SIAE: variants seen among roughly 807,000 people sequenced by gnomAD.
SIAE encodes sialic acid acetylesterase.
Under a neutral mutation model 52.6 loss-of-function variants are expected in SIAE, and 39 were observed. The ratio of observed to expected loss-of-function variants is 0.74; its 90% confidence interval spans 0.57 to 0.97. The LOEUF (loss-of-function observed/expected upper bound fraction) is 0.97. SIAE is among the 50% of genes least tolerant of loss of function. SIAE has a pLI of 0.00. For missense variants in SIAE, 592 were observed against 662.1 expected (o/e 0.89, Z 1.16); for synonymous variants, 233 against 241.4 (o/e 0.97, Z 0.32).
upstream of SIAE, chr11:124,676,191 T>C (rs1404429676): frequency 6.6e-6 from 1 of 152,316 alleles, no homozygotes; most frequent in Admixed American, 6.5e-5. Context: ...GCACCTTTAG[T>C]ACCAGCTACT....
intron 2 of SIAE, among the ~76,000 whole-genome samples, chr11:124,665,953 T>C (rs1250434186): frequency 6.6e-6 from 1 of 152,156 alleles, no homozygotes; most frequent in African/African-American, 2.4e-5. Flanking sequence ...GACAAAAATA[T>C]AGACAGACAC....
intron 4 of SIAE, chr11:124,654,389 C>T (rs919214406): frequency 1.2e-5 from 12 of 985,138 alleles, no homozygotes; most frequent in African/African-American, 8.7e-5. Context: ...GAGATGCTGG[C>T]GGAGCCCATG....
At chr11:124,660,334 G>T in intron 3 of SIAE, 1 of 353,186 alleles carries the variant, frequency 2.8e-6, no homozygotes, top group Non-Finnish European at 5.3e-6. Flanking sequence ...AAATCAACTT[G>T]AGAAGAAACT....
chr11:124,673,880 T>G, upstream of SIAE: 1 of 695,566 alleles, frequency 1.4e-6, no homozygotes, highest in Non-Finnish European at 2.3e-6. Context: ...TTTTTTTTTT[T>G]TAAAGAAAAA....
Position 124,635,691 on chromosome 11 carries a change from C to CATT in SIAE, c.*1257_*1259dup, listed in dbSNP as rs1942716300. 6.6e-6 allele frequency: 1 copy of CATT among 152,150 alleles called. No individual in the cohort carries two copies. Among genetic ancestry groups the CATT allele is most frequent in the African/African-American group, 2.4e-5 (1 of 41,434 alleles). The allele number at this position is 152,150 out of a possible 1,614,324, so 9.4% of individuals were successfully genotyped here. A position where few individuals can be genotyped will look rare whatever the true frequency, so the allele number is the denominator to read the frequency against. On this transcript the variant is annotated 3_prime_UTR_variant, in exon 10 of 10. Coordinates refer to ENST00000263593, the MANE Select transcript of SIAE (RefSeq NM_170601.5). The stretch of plus-strand genomic sequence containing the variant: ...GAGTGATGCTTTTTGCTTTAGTTCT[C>CATT]ATTTTTCACATTAAGGGGAGGAAAG...
upstream of SIAE, chr11:124,673,788 G>A (rs1340153229): frequency 6.6e-7 from 1 of 1,512,792 alleles, no homozygotes; most frequent in African/African-American, 1.4e-5. Flanking sequence ...GGGCGAGGCC[G>A]ACTCCACCCT....
In SIAE at chr11:124,647,440, G is replaced by A. The variant is rs780782832; in HGVS notation, c.891C>T (p.Ile297=). The A allele has an allele frequency of 1.9e-5, 31 of 1,614,036 alleles. No individual in the cohort carries two copies. The highest frequency in any genetic ancestry group is 1.3e-4 in the East Asian group (6 of 44,900). The part of the protein sequence containing the change: ...DLYNCTFPAL[I]EDWRETFHRG... The stretch of plus-strand genomic sequence containing the variant: ...GGTGGAAGGTTTCACGCCAGTCTTC[G>A]ATGAGTGCAGGGAATGTGCAATTGT... Residue 297 remains isoleucine (I), a synonymous_variant, in exon 7 of 10, where the codon ATC becomes ATT. Coordinates refer to ENST00000263593, the MANE Select transcript of SIAE (RefSeq NM_170601.5).
chr11:124,637,846 C>A (rs1942777816), intron 9 of SIAE, among the ~76,000 whole-genome samples: 1 of 152,164 alleles, frequency 6.6e-6, no homozygotes, highest in Non-Finnish European at 1.5e-5. Context: ...AGACAAACTC[C>A]CGTGTAGTTA....
intron 4 of SIAE, among the ~76,000 whole-genome samples, chr11:124,650,173 TCA>T (rs1942998028): frequency 6.6e-6 from 1 of 152,224 alleles, no homozygotes; most frequent in Non-Finnish European, 1.5e-5. Context: ...GATTTTGCTC[TCA>T]GTCTGATTAT....
rs79917537 is a variant in SIAE at position 124,639,996 on chromosome 11, T to G, written c.967-129A>C. ...TCATTCAACACGTATTTACTGAGCT[T>G]CTTACTGTTGTGGCAGTGTCTCTCC... is the stretch of plus-strand genomic sequence containing the variant. On this transcript the variant is annotated intron_variant, in intron 7 of 9. Coordinates refer to ENST00000263593, the MANE Select transcript of SIAE (RefSeq NM_170601.5). 8,759 of 1,125,878 alleles carry G rather than the reference T, an allele frequency of 7.8e-3. 680 individuals are homozygous for G. In the East Asian group the frequency reaches 0.17, roughly 22 times the overall value. The allele number at this position is 1,125,878 out of a possible 1,614,324, so 69.7% of individuals were successfully genotyped here.
chr11:124,647,592 G>A (rs967757634), intron 6 of SIAE, 94 bp from the exon 7 acceptor site: 13 of 1,469,906 alleles, frequency 8.8e-6, no homozygotes, highest in Non-Finnish European at 1.2e-5. Flanking sequence ...CTGAGGTAGT[G>A]GTCTTCCCAC....
At chr11:124,646,314 G>A (rs1348527355) in intron 7 of SIAE, among the ~76,000 whole-genome samples, 3 of 152,104 alleles carry the variant, frequency 2.0e-5, no homozygotes, top group Admixed American at 6.5e-5. Flanking sequence ...AACTACATAC[G>A]TACTAGGGAT....
chr11:124,650,866 G>A (rs772865583), intron 4 of SIAE, among the ~76,000 whole-genome samples: 5 of 152,136 alleles, frequency 3.3e-5, no homozygotes, highest in Non-Finnish European at 7.3e-5. Context: ...TGGGAAATTC[G>A]GCCCAAAGGG....
chr11:124,666,553 C>T (rs1943275600), intron 2 of SIAE, among the ~76,000 whole-genome samples: 1 of 152,194 alleles, frequency 6.6e-6, no homozygotes, highest in South Asian at 2.1e-4. Flanking sequence ...AGGTCCCCAC[C>T]ACCACCAATA....
chr11:124,639,625 C>A, intron 8 of SIAE, 85 bp downstream of exon 8: 1 of 1,580,400 alleles, frequency 6.3e-7, no homozygotes, highest in South Asian at 1.1e-5. Context: ...AATCCTCAGT[C>A]TAATTGCCCC....
At chr11:124,659,104 G>A (rs1426898132) in intron 3 of SIAE, 1 of 152,134 alleles carries the variant, frequency 6.6e-6, no homozygotes, top group African/African-American at 2.4e-5. Context: ...AGATGCTCAG[G>A]GGTAAATTCT....
In SIAE at chr11:124,654,812, C is replaced by A; in HGVS notation, c.406-19G>T. The A allele has an allele frequency of 6.2e-7, 1 of 1,612,440 alleles. No individual in the cohort carries two copies. Among genetic ancestry groups the A allele is most frequent in the Non-Finnish European group, 8.5e-7 (1 of 1,179,974 alleles). On this transcript the variant is annotated intron_variant, in intron 3 of 9. Coordinates refer to ENST00000263593, the MANE Select transcript of SIAE (RefSeq NM_170601.5). Reference sequence around the variant, plus strand: ...TAAATATCTGGAAAAGAAATTGAAACGTCATTTAACCTAGCAGGTGGTGAA... The same window carrying A: ...TAAATATCTGGAAAAGAAATTGAAAAGTCATTTAACCTAGCAGGTGGTGAA...
In SIAE at chr11:124,668,855, A is replaced by G. The variant is rs1368440034; in HGVS notation, c.229+505T>C. On this transcript the variant is annotated intron_variant, in intron 2 of 9. Coordinates refer to ENST00000263593, the MANE Select transcript of SIAE (RefSeq NM_170601.5). ...GGTTCTAATATATTGGTTTAAAAAT[A>G]AGAAATGGGATTTACATGGTGCTAG... Among the ~76,000 whole-genome samples the G allele has an allele frequency of 2.0e-5, 3 of 152,370 alleles. No individual in the cohort carries two copies. The East Asian group carries it at 5.8e-4, about 29-fold the overall frequency.
intron 7 of SIAE, among the ~76,000 whole-genome samples, chr11:124,642,689 G>A (rs533595863): frequency 1.5e-4 from 23 of 152,320 alleles, no homozygotes; most frequent in African/African-American, 5.3e-4. Flanking sequence ...AATAGGCTAT[G>A]GCAAAGGTAA....
Sources: allele counts gnomAD v4.1 joint callset (sites outside exome capture counted in the v4.1 genomes callset), GRCh38; gene constraint gnomAD v4.1.1; transcripts MANE v1.5; gene names NCBI Gene and HGNC (gene_info 2026-07-23, HGNC 2026-07-21).